The following HDAC9 variants were observed in gnomAD, a reference collection of about 807,000 sequenced individuals.
The protein encoded by HDAC9 is MEF-2 interacting transcription repressor (MITR) protein.
In HDAC9, 41 loss-of-function variants were observed where a neutral mutation model predicts 139.4. The ratio of observed to expected loss-of-function variants is 0.29; its 90% CI spans 0.23 to 0.38. HDAC9 has a LOEUF of 0.38. Among genes scored for constraint, HDAC9 ranks in the 10% least tolerant of loss-of-function variants. HDAC9 has a pLI of 1.00. For synonymous variants in HDAC9, 517 were observed against 476.2 expected, an observed-to-expected ratio of 1.09 and a Z score of -1.12; for missense variants, 1,147 against 1,297.0, an observed-to-expected ratio of 0.88 and a Z score of 1.78.
chr7:18,154,771 A>G (rs1359415714), intron 1 of HDAC9, among the ~76,000 whole-genome samples: 1 of 152,266 alleles, frequency 6.6e-6, no homozygotes, highest in Non-Finnish European at 1.5e-5. Context: ...GAAGCTTGAA[A>G]AAGAGAATCA....
chr7:18,824,051 GAAGAA>G (rs1562966418), intron 17 of HDAC9, among the ~76,000 whole-genome samples: 34 of 143,860 alleles, frequency 2.4e-4, no homozygotes, highest in African/African-American at 7.3e-4. Flanking sequence ...AGAGGAAGAA[GAAGAA>G]GAAGAAGAAG....
chr7:18,166,944 C>T (rs1788052373), intron 2 of HDAC9, among the ~76,000 whole-genome samples: 1 of 152,162 alleles, frequency 6.6e-6, no homozygotes, highest in Non-Finnish European at 1.5e-5. Flanking sequence ...TAGGTTATGG[C>T]TTCCCTAGAT....
At chr7:18,629,874 A>G (rs960645843) in intron 7 of HDAC9, among the ~76,000 whole-genome samples, 2 of 152,290 alleles carry the variant, frequency 1.3e-5, no homozygotes, top group African/African-American at 4.8e-5. Context: ...AATGTACAAA[A>G]TACATCTGGG....
At chr7:18,643,688 T>C (rs1048206757) in intron 8 of HDAC9, among the ~76,000 whole-genome samples, 5 of 152,106 alleles carry the variant, frequency 3.3e-5, no homozygotes. Context: ...TGACAAGTTA[T>C]TATATTTACT....
intron 2 of HDAC9, among the ~76,000 whole-genome samples, chr7:18,519,889 A>G (rs1804475774): frequency 6.6e-6 from 1 of 152,152 alleles, no homozygotes; most frequent in Admixed American, 6.6e-5. Context: ...ACAAGTCATT[A>G]AAGTTATTAA....
At chr7:18,163,264 T>G (rs1787779518) in intron 2 of HDAC9, among the ~76,000 whole-genome samples, 2 of 152,316 alleles carry the variant, frequency 1.3e-5, no homozygotes, top group South Asian at 4.1e-4. Flanking sequence ...ACTTGTATGC[T>G]GAATTTGGAA....
chr7:18,828,867 G>T (rs931333548), intron 17 of HDAC9, among the ~76,000 whole-genome samples: 32 of 152,176 alleles, frequency 2.1e-4, no homozygotes, highest in African/African-American at 7.7e-4. Context: ...AATGAATCAT[G>T]CTAGTTTAAC....
chr7:18,719,162 G>T (rs1173743610), intron 12 of HDAC9, among the ~76,000 whole-genome samples: 1 of 152,008 alleles, frequency 6.6e-6, no homozygotes, highest in African/African-American at 2.4e-5. Flanking sequence ...ATTGATTATT[G>T]TGTTTAAGGA....
In HDAC9 at chr7:18,954,160, A is replaced by G. The variant is rs757530686; in HGVS notation, c.2952A>G (p.Ala984=). The change falls in exon 24 of 26, where the codon GCA becomes GCG. Residue 984 remains alanine (A), a synonymous_variant. Transcript: ENST00000686413. ...TATTCTTGCAGCTGGAGCCACTTGCAGAAGATATTCTCCACCAAAGCCCGA... is the reference window on the plus strand; with the variant it reads ...TATTCTTGCAGCTGGAGCCACTTGCGGAAGATATTCTCCACCAAAGCCCGA... ...ALLGNELEPL[A]EDILHQSPNM... The G allele has an allele frequency of 1.3e-6, 2 of 1,570,174 alleles. No individual in the cohort carries two copies. Among genetic ancestry groups the G allele is most frequent in the Non-Finnish European group, 1.7e-6 (2 of 1,152,274 alleles).
intron 2 of HDAC9, chr7:18,509,461 G>A: frequency 1.0e-5 from 10 of 985,218 alleles, no homozygotes; most frequent in Non-Finnish European, 1.2e-5. Flanking sequence ...GTGGTGACTT[G>A]TTTTTTCCCC....
At chr7:18,990,953 C>G (rs959406816) in intron 25 of HDAC9, among the ~76,000 whole-genome samples, 1 of 152,252 alleles carries the variant, frequency 6.6e-6, no homozygotes, top group Admixed American at 6.5e-5. Context: ...CTGGCACTCC[C>G]TAGTGAGATG....
At chr7:18,434,110 A>G (rs1275576692) in intron 1 of HDAC9, among the ~76,000 whole-genome samples, 1 of 152,206 alleles carries the variant, frequency 6.6e-6, no homozygotes, top group Non-Finnish European at 1.5e-5. Flanking sequence ...AAATAAAGCT[A>G]CACACCTACA....
intron 3 of HDAC9, among the ~76,000 whole-genome samples, chr7:18,589,170 A>G (rs1386037552): frequency 1.3e-5 from 2 of 152,028 alleles, no homozygotes; most frequent in Non-Finnish European, 2.9e-5. Context: ...CATTTACTAT[A>G]GTTCATAGAT....
chr7:18,423,526 A>C (rs1789836036), intron 1 of HDAC9, among the ~76,000 whole-genome samples: 1 of 152,242 alleles, frequency 6.6e-6, no homozygotes, highest in South Asian at 2.1e-4. Context: ...TTATCCCCAC[A>C]ACATAGTGAC....
At chr7:18,707,899 G>A (rs143636685) in intron 12 of HDAC9, among the ~76,000 whole-genome samples, 1 of 151,450 alleles carries the variant, frequency 6.6e-6, no homozygotes, top group South Asian at 2.1e-4. Context: ...ACATGTGTGT[G>A]TCTGTATTTG....
Position 18,306,580 on chromosome 7 carries a change from C to T in HDAC9, c.-42+16065C>T, listed in dbSNP as rs146786528. On this transcript the variant is annotated intron_variant, in intron 1 of 3. Coordinates refer to the HDAC9 transcript ENST00000413509. ...ATTGACCAATAGATTCTGAAGCCTTCTACACATACTTTTGGTCTCTCTCCA... is the reference window on the plus strand; with the variant it reads ...ATTGACCAATAGATTCTGAAGCCTTTTACACATACTTTTGGTCTCTCTCCA... Among the ~76,000 whole-genome samples, 412 of 152,272 alleles carry T rather than the reference C, an allele frequency of 2.7e-3. 4 individuals are homozygous for T. The highest frequency in any genetic ancestry group is 9.5e-3 in the African/African-American group (396 of 41,556).
chr7:18,990,688 G>C (rs537588495), intron 25 of HDAC9, among the ~76,000 whole-genome samples: 1 of 152,258 alleles, frequency 6.6e-6, no homozygotes, highest in South Asian at 2.1e-4. Context: ...TGCTGAGCTA[G>C]CAGTCAGCGA....
chr7:18,283,690 G>T (rs1254943521), intron 2 of HDAC9, among the ~76,000 whole-genome samples: 1 of 152,116 alleles, frequency 6.6e-6, no homozygotes, highest in Non-Finnish European at 1.5e-5. Flanking sequence ...GATTTTAAAA[G>T]AAAGATACTG....
chr7:18,417,433 T>A (rs1465404195), intron 1 of HDAC9, among the ~76,000 whole-genome samples: 1 of 152,214 alleles, frequency 6.6e-6, no homozygotes, highest in Non-Finnish European at 1.5e-5. Flanking sequence ...GGGTCATATT[T>A]TTCTGCTTTT....
Sources: allele counts gnomAD v4.1 joint callset (sites outside exome capture counted in the v4.1 genomes callset), GRCh38; gene constraint gnomAD v4.1.1; transcripts MANE v1.5; gene names NCBI Gene and HGNC (gene_info 2026-07-23, HGNC 2026-07-21).